MYH15: variants seen among roughly 807,000 people sequenced by gnomAD.
MYH15 encodes myosin heavy chain 15.
A neutral mutation model predicts 240.5 loss-of-function variants in MYH15; 227 were observed. The observed-to-expected ratio is 0.94, with a 90% CI of 0.85 to 1.05. The LOEUF is 1.05. Ranked by LOEUF, MYH15 falls within the 50% of genes least tolerant of loss-of-function variation. The pLI, the probability that MYH15 is intolerant of heterozygous loss-of-function variation, is 0.00. For synonymous variants in MYH15, 785 were observed against 796.7 expected, an observed-to-expected ratio of 0.99 and a Z score of 0.25; for missense variants, 2,217 against 2,247.5, an observed-to-expected ratio of 0.99 and a Z score of 0.27.
intron 32 of MYH15, 98 bp from the exon 33 acceptor site, chr3:108,405,551 G>GAGCTACA: frequency 1.6e-6 from 1 of 629,196 alleles, no homozygotes; most frequent in Non-Finnish European, 2.5e-6. Flanking sequence ...CTCTCTTAGA[G>GAGCTACA]TTACTGGGAG....
chr3:108,404,025 T>G (rs2082528315), intron 33 of MYH15, among the ~76,000 whole-genome samples: 2 of 152,140 alleles, frequency 1.3e-5, no homozygotes, highest in South Asian at 4.1e-4. Flanking sequence ...ACATTCATTT[T>G]TATTCCTTGT....
At chr3:108,434,190 G>GT (rs5851590) in intron 25 of MYH15, among the ~76,000 whole-genome samples, 70,811 of 130,860 alleles carry the variant, frequency 0.54, 20,223 homozygotes, top group East Asian at 0.77. Context: ...ATTGAGAATG[G>GT]TTTTTTTTTT....
chr3:108,484,197 G>T (rs6800236), intron 11 of MYH15, among the ~76,000 whole-genome samples: 151,468 of 152,354 alleles, frequency 0.99, 75,300 homozygotes, highest in Middle Eastern at 1. Context: ...TAATATTAAA[G>T]GTAATAACAA....
At chr3:108,458,856 AT>A (rs2083046941) in intron 18 of MYH15, among the ~76,000 whole-genome samples, 5 of 152,280 alleles carry the variant, frequency 3.3e-5, no homozygotes, top group Admixed American at 3.3e-4. Context: ...AAAAAAAAAA[AT>A]GAATGCTATT....
chr3:108,534,741 C>G, the MYH15 span, among the ~76,000 whole-genome samples: 2 of 149,824 alleles, frequency 1.3e-5, no homozygotes, highest in Non-Finnish European at 3.0e-5. Context: ...ATTAGCTGGG[C>G]GTGGTGGGAT....
intron 21 of MYH15, among the ~76,000 whole-genome samples, chr3:108,446,920 A>T (rs2082933249): frequency 6.6e-6 from 1 of 152,236 alleles, no homozygotes; most frequent in South Asian, 2.1e-4. Flanking sequence ...GCTGACAAAG[A>T]ATTCAAAACA....
chr3:108,539,048 T>C, the MYH15 span, among the ~76,000 whole-genome samples: 1 of 152,170 alleles, frequency 6.6e-6, no homozygotes, highest in Admixed American at 6.5e-5. Context: ...AGCCCTTATG[T>C]CCTAGTTACT....
chr3:108,500,388 A>T, intron 3 of MYH15, 114 bp from the exon 4 acceptor site: 1 of 1,151,410 alleles, frequency 8.7e-7, no homozygotes, highest in Non-Finnish European at 1.2e-6. Context: ...AGGAACTCAG[A>T]GGGGAGCTTT....
chr3:108,381,651 G>T, intron 40 of MYH15, 92 bp from the exon 41 acceptor site: 3 of 1,418,902 alleles, frequency 2.1e-6, no homozygotes, highest in South Asian at 1.2e-5. Flanking sequence ...CCCTTCCAGA[G>T]GTAAGCAGGC....
Position 108,444,892 on chromosome 3 carries a change from A to T in MYH15, c.2403T>A (p.Asp801Glu), listed in dbSNP as rs1560373156. ...IKFQKILEERDALILIQWNIR... is the reference protein window; with the variant it reads ...IKFQKILEEREALILIQWNIR... Reference sequence around the variant, plus strand: ...TGTTCCATTGGATCAAAATAAGTGCATCCCTAAATCAAGAAAGAAAAAAGA... The same window carrying T: ...TGTTCCATTGGATCAAAATAAGTGCTTCCCTAAATCAAGAAAGAAAAAAGA... The change falls in exon 22 of 41, where the codon GAT becomes GAA. Residue 801 changes from aspartate to glutamate, a missense_variant. Coordinates refer to ENST00000693548, the MANE Select transcript of MYH15 (RefSeq NM_014981.3). 1 of 1,594,848 alleles carries T rather than the reference A, an allele frequency of 6.3e-7. No individual in the cohort carries two copies. The highest frequency in any genetic ancestry group is 8.5e-7 in the Non-Finnish European group (1 of 1,173,964).
At chr3:108,476,193 T>C (rs2083218680) in intron 12 of MYH15, among the ~76,000 whole-genome samples, 1 of 152,178 alleles carries the variant, frequency 6.6e-6, no homozygotes, top group South Asian at 2.1e-4. Context: ...ACTTTCAAAA[T>C]GTATGTTTCA....
intron 18 of MYH15, 34 bp downstream of exon 18, chr3:108,459,328 C>T (rs2083051398): frequency 7.5e-7 from 1 of 1,328,802 alleles, no homozygotes; most frequent in Admixed American, 2.0e-5. Context: ...AAATCTATTT[C>T]CTAGTGTGAA....
chr3:108,475,882 TG>T (rs1332893523), intron 12 of MYH15, among the ~76,000 whole-genome samples: 1 of 152,216 alleles, frequency 6.6e-6, no homozygotes, highest in Non-Finnish European at 1.5e-5. Context: ...AACATTCTCC[TG>T]GATGCTAAAC....
chr3:108,450,308 C>T (rs1371915600), intron 21 of MYH15, among the ~76,000 whole-genome samples: 1 of 152,088 alleles, frequency 6.6e-6, no homozygotes, highest in Admixed American at 6.6e-5. Flanking sequence ...CCTAAGTGTT[C>T]ATTGACAAAT....
chr3:108,529,133 T>C (rs2083695124), intron 1 of MYH15: 1 of 773,742 alleles, frequency 1.3e-6, no homozygotes, highest in South Asian at 2.1e-5. Flanking sequence ...CATAGCCTAT[T>C]TTTATACTAT....
chr3:108,398,274 C>A (rs937484373), intron 35 of MYH15, among the ~76,000 whole-genome samples: 4 of 152,062 alleles, frequency 2.6e-5, no homozygotes, highest in South Asian at 2.1e-4. Context: ...CATCCATAAG[C>A]CAAGGAATGG....
At chr3:108,530,759 C>T (rs776135152), upstream of MYH15, among the ~76,000 whole-genome samples, 1 of 152,064 alleles carries the variant, frequency 6.6e-6, no homozygotes, top group Non-Finnish European at 1.5e-5. Flanking sequence ...AAAATTACCA[C>T]ACATTCAAAG....
chr3:108,420,317 C>T (rs1167288396), intron 28 of MYH15, among the ~76,000 whole-genome samples: 1 of 152,148 alleles, frequency 6.6e-6, no homozygotes, highest in Non-Finnish European at 1.5e-5. Context: ...TGGAGACAAA[C>T]ATATTTATTG....
chr3:108,381,550 C>T lies in MYH15; in HGVS notation c.5776G>A (p.Glu1926Lys), dbSNP rs757862284. The stretch of plus-strand genomic sequence containing the variant: ...TCCTTTCAAAGCAGGGGATGCTATT[C>T]TTCTTGAACCTGAAAAACAGAATGT... ...AREFGKKVQEE is the reference protein window; with the variant it reads ...AREFGKKVQEK Residue 1926 changes from glutamate (E) to lysine (K), a missense_variant, in exon 41 of 41, where the codon GAA (glutamate) becomes AAA (lysine). By Grantham distance (56) the Glu-to-Lys change is moderately conservative. Coordinates refer to ENST00000693548, the MANE Select transcript of MYH15 (RefSeq NM_014981.3). 1.2e-6 allele frequency: 2 copies of T among 1,613,854 alleles called. No individual in the cohort carries two copies. The highest frequency in any genetic ancestry group is 1.7e-6 in the Non-Finnish European group (2 of 1,179,776).
Sources: allele counts gnomAD v4.1 joint callset (sites outside exome capture counted in the v4.1 genomes callset), GRCh38; gene constraint gnomAD v4.1.1; transcripts MANE v1.5; gene names NCBI Gene and HGNC (gene_info 2026-07-23, HGNC 2026-07-21).